Variants in RGS7 observed in about 807,000 individuals in gnomAD.
The protein encoded by RGS7 is regulator of G-protein signaling 7.
RGS7 carries 27 observed loss-of-function variants against 81.1 expected under a neutral mutation model. The ratio of observed to expected loss-of-function variants is 0.33; its 90% CI spans 0.25 to 0.46. The LOEUF (loss-of-function observed/expected upper bound fraction) is 0.46, where lower values mean the gene tolerates loss of function less well. Among genes scored for constraint, RGS7 ranks in the 20% least tolerant of loss-of-function variants. The pLI, the probability that RGS7 is intolerant of heterozygous loss-of-function variation, is 1.00. For missense variants in RGS7, 396 were observed against 607.4 expected (o/e 0.65, Z 3.66); for synonymous variants, 208 against 207.7 (o/e 1.00, Z -0.01).
intron 3 of RGS7, among the ~76,000 whole-genome samples, chr1:241,044,277 T>TAA (rs944738944): frequency 2.6e-5 from 4 of 151,988 alleles, no homozygotes; most frequent in Non-Finnish European, 4.4e-5. Flanking sequence ...CACGCCCGCC[T>TAA]AATTTTTGTA....
At chr1:241,302,918 G>A (rs796411656) in intron 2 of RGS7, among the ~76,000 whole-genome samples, 3 of 151,404 alleles carry the variant, frequency 2.0e-5, no homozygotes, top group Admixed American at 1.3e-4. Context: ...CTATTATCAC[G>A]TCCGGTAGCG....
intron 2 of RGS7, among the ~76,000 whole-genome samples, chr1:241,280,149 C>T (rs1377518262): frequency 1.3e-5 from 2 of 152,010 alleles, no homozygotes; most frequent in Non-Finnish European, 2.9e-5. Context: ...GTTGGGTGGG[C>T]CTCTAATCCA....
At chr1:241,170,343 T>TA (rs558849986) in intron 2 of RGS7, among the ~76,000 whole-genome samples, 172 of 152,186 alleles carry the variant, frequency 1.1e-3, no homozygotes, top group Middle Eastern at 3.4e-3. Flanking sequence ...TCTTTAAAAT[T>TA]AAAAAAATAC....
chr1:240,945,926 G>T lies in RGS7; in HGVS notation c.227-9220C>A, dbSNP rs191011659. Among the ~76,000 whole-genome samples, 15 of 152,148 alleles carry T rather than the reference G, an allele frequency of 9.9e-5. No homozygotes were observed. In the East Asian group the frequency reaches 2.9e-3, roughly 29 times the overall value. On this transcript the variant is annotated intron_variant, in intron 4 of 18. Coordinates refer to ENST00000440928, the MANE Select transcript of RGS7 (RefSeq NM_001364886.1). Reference sequence around the variant, plus strand: ...CTGAAAATAAGAATTTTAGATTTTAGAATACCTAAAATCTAATACACAAGC... The same window carrying T: ...CTGAAAATAAGAATTTTAGATTTTATAATACCTAAAATCTAATACACAAGC...
At chr1:240,799,557 A>C (rs1035639750) in intron 18 of RGS7, among the ~76,000 whole-genome samples, 2 of 152,040 alleles carry the variant, frequency 1.3e-5, no homozygotes, top group African/African-American at 4.8e-5. Flanking sequence ...CTTTGAGATC[A>C]AGCTCTACCA....
At chr1:241,194,479 G>A (rs1046037012) in intron 2 of RGS7, among the ~76,000 whole-genome samples, 3 of 152,046 alleles carry the variant, frequency 2.0e-5, no homozygotes, top group Non-Finnish European at 4.4e-5. Flanking sequence ...CTAACAAGTC[G>A]GCGATGGAGC....
chr1:241,222,850 T>C (rs1469444178), intron 2 of RGS7, among the ~76,000 whole-genome samples: 2 of 144,580 alleles, frequency 1.4e-5, no homozygotes, highest in South Asian at 2.3e-4. Context: ...GTGTGTGATG[T>C]TCCCCTCCCT....
chr1:241,116,384 G>C (rs377664941), intron 2 of RGS7, among the ~76,000 whole-genome samples: 1 of 152,040 alleles, frequency 6.6e-6, no homozygotes, highest in East Asian at 1.9e-4. Context: ...GTATGACTTA[G>C]GAAAAGGTAC....
chr1:240,933,020 A>T (rs1306447791), intron 5 of RGS7, among the ~76,000 whole-genome samples: 1 of 147,930 alleles, frequency 6.8e-6, no homozygotes, highest in Non-Finnish European at 1.5e-5. Context: ...AGTAGCTGGG[A>T]CTACAGGCGC....
intron 6 of RGS7, among the ~76,000 whole-genome samples, chr1:240,875,822 T>C (rs757397665): frequency 2.0e-4 from 31 of 152,328 alleles, no homozygotes; most frequent in East Asian, 1.9e-4. Flanking sequence ...CTGTTGGCCA[T>C]TTGTAGGTCT....
At chr1:240,995,870 T>G (rs1048244980) in intron 3 of RGS7, among the ~76,000 whole-genome samples, 2 of 151,964 alleles carry the variant, frequency 1.3e-5, no homozygotes, top group African/African-American at 2.4e-5. Context: ...TTTATTTTGC[T>G]CTTCTTCTAT....
chr1:241,284,859 G>T (rs78164542), intron 2 of RGS7, among the ~76,000 whole-genome samples: 51,757 of 150,974 alleles, frequency 0.34, 8,970 homozygotes, highest in Admixed American at 0.42. Flanking sequence ...GTCTTTCTTT[G>T]TTTTTTTTTG....
intron 14 of RGS7, among the ~76,000 whole-genome samples, chr1:240,806,885 T>C (rs1688947416): frequency 6.6e-6 from 1 of 152,068 alleles, no homozygotes; most frequent in African/African-American, 2.4e-5. Flanking sequence ...TTGCTGGAGT[T>C]AAAAGAGGCC....
chr1:241,257,051 G>A (rs188321711), intron 2 of RGS7, among the ~76,000 whole-genome samples: 140 of 151,864 alleles, frequency 9.2e-4, no homozygotes, highest in African/African-American at 3.2e-3. Context: ...TATATACAGT[G>A]TACATATATA....
intron 3 of RGS7, among the ~76,000 whole-genome samples, chr1:241,021,216 G>A (rs897343390): frequency 6.6e-6 from 1 of 151,988 alleles, no homozygotes; most frequent in Non-Finnish European, 1.5e-5. Flanking sequence ...CTGTCTGTGA[G>A]TCCTCATTCT....
chr1:240,911,521 C>G (rs769620379), intron 6 of RGS7, among the ~76,000 whole-genome samples: 38 of 152,200 alleles, frequency 2.5e-4, no homozygotes, highest in Non-Finnish European at 4.7e-4. Context: ...TATAACCTGA[C>G]TCTAGTGATT....
intron 2 of RGS7, among the ~76,000 whole-genome samples, chr1:241,179,864 G>A (rs2071457057): frequency 6.6e-6 from 1 of 151,882 alleles, no homozygotes; most frequent in African/African-American, 2.4e-5. Flanking sequence ...CACACATGAG[G>A]CACTTTGATA....
intron 2 of RGS7, among the ~76,000 whole-genome samples, chr1:241,247,792 A>C (rs2076621023): frequency 6.6e-6 from 1 of 152,196 alleles, no homozygotes. Flanking sequence ...CTCATGATGG[A>C]ATTAAAAATG....
At chr1:240,987,171 A>C (rs988669516) in intron 3 of RGS7, among the ~76,000 whole-genome samples, 15 of 152,028 alleles carry the variant, frequency 9.9e-5, no homozygotes, top group Non-Finnish European at 1.5e-4. Context: ...TTCATGAAAA[A>C]AATTGCAAAA....
Sources: allele counts gnomAD v4.1 joint callset (sites outside exome capture counted in the v4.1 genomes callset), GRCh38; gene constraint gnomAD v4.1.1; transcripts MANE v1.5; gene names NCBI Gene and HGNC (gene_info 2026-07-23, HGNC 2026-07-21).